Variants in PCDHGA5 observed in about 807,000 individuals in gnomAD.
PCDHGA5 encodes protocadherin gamma-A5.
A neutral mutation model predicts 56.7 loss-of-function variants in PCDHGA5; 36 were observed. The ratio of observed to expected loss-of-function variants is 0.64; its 90% confidence interval spans 0.49 to 0.84. PCDHGA5 has a LOEUF of 0.84. PCDHGA5 is among the 40% of genes least tolerant of loss of function. PCDHGA5 has a pLI of 0.00. For synonymous variants in PCDHGA5, 563 were observed against 520.2 expected, an observed-to-expected ratio of 1.08 and a Z score of -1.12; for missense variants, 1,305 against 1,201.5, an observed-to-expected ratio of 1.09 and a Z score of -1.27.
At chr5:141,418,877 G>T in intron 1 of PCDHGA5, 1 of 1,613,960 alleles carries the variant, frequency 6.2e-7, no homozygotes, top group Non-Finnish European at 8.5e-7. Context: ...AGTTGTAGAC[G>T]AAAACGACAA....
rs1000935525 is a variant in PCDHGA5 at position 141,512,962 on chromosome 5, G to A, written c.*1789G>A. The A allele has an allele frequency of 1.3e-5, 2 of 152,030 alleles. No individual in the cohort carries two copies. The highest frequency in any genetic ancestry group is 4.8e-5 in the African/African-American group (2 of 41,366). The allele number at this position is 152,030 out of a possible 1,614,324, so 9.4% of individuals were successfully genotyped here. ...TTCTTCGACAAAAAAATAATAAAACGTTTCTTCTGAAAAGCTGAACGTTTC... is the reference window on the plus strand; with the variant it reads ...TTCTTCGACAAAAAAATAATAAAACATTTCTTCTGAAAAGCTGAACGTTTC... On this transcript the variant is annotated 3_prime_UTR_variant, in exon 4 of 4. Transcript: ENST00000518069.
chr5:141,408,597 A>G (rs1389452276), intron 1 of PCDHGA5: 1 of 1,614,042 alleles, frequency 6.2e-7, no homozygotes, highest in Non-Finnish European at 8.5e-7. Context: ...CACGCCCCTC[A>G]ATTTGATAAA....
chr5:141,419,759 G>A (rs1179602962), intron 1 of PCDHGA5: 2 of 1,614,004 alleles, frequency 1.2e-6, no homozygotes, highest in Admixed American at 3.3e-5. Context: ...TGCTTTGGGT[G>A]ACAAGGACTC....
At chr5:141,410,078 G>A (rs1258292051) in intron 1 of PCDHGA5, 1 of 1,612,820 alleles carries the variant, frequency 6.2e-7, no homozygotes, top group Non-Finnish European at 8.5e-7. Flanking sequence ...CACTGGGGAG[G>A]TGCGCACGGC....
chr5:141,436,998 A>G (rs985067199), intron 1 of PCDHGA5, among the ~76,000 whole-genome samples: 23 of 152,242 alleles, frequency 1.5e-4, no homozygotes, highest in South Asian at 2.1e-4. Flanking sequence ...GTTTACTTCA[A>G]TGGGATCTTA....
chr5:141,421,374 C>T, intron 1 of PCDHGA5: 1 of 1,614,062 alleles, frequency 6.2e-7, no homozygotes, highest in Non-Finnish European at 8.5e-7. Flanking sequence ...TGGGCAATAT[C>T]TCCAAGGACC....
chr5:141,404,758 T>C, intron 1 of PCDHGA5: 1 of 1,613,742 alleles, frequency 6.2e-7, no homozygotes, highest in Non-Finnish European at 8.5e-7. Flanking sequence ...GCCAGAATGC[T>C]TGGCTCTCCT....
chr5:141,462,240 A>G (rs375419703), intron 1 of PCDHGA5, among the ~76,000 whole-genome samples: 2 of 152,216 alleles, frequency 1.3e-5, no homozygotes, highest in South Asian at 4.1e-4. Context: ...GATTACAGGT[A>G]TGAGCCACCA....
At chr5:141,418,171 G>A (rs2096234086) in intron 1 of PCDHGA5, 1 of 1,613,952 alleles carries the variant, frequency 6.2e-7, no homozygotes, top group African/African-American at 1.3e-5. Flanking sequence ...GATGTGAGTT[G>A]CAATTGGAAG....
At position 141,494,704 on chromosome 5, in the gene PCDHGA5, T is replaced by C. The variant is rs2099756232; in HGVS notation, c.2422-103T>C. Reference sequence around the variant, plus strand: ...CCCCCTCTTAGTCCGTTTTCTTCTCTGTGCCCACTCCCCTCCTTCTCTCCC... The same window carrying C: ...CCCCCTCTTAGTCCGTTTTCTTCTCCGTGCCCACTCCCCTCCTTCTCTCCC... On this transcript the variant is annotated intron_variant, in intron 1 of 3. Transcript: ENST00000518069. The C allele has an allele frequency of 3.1e-6, 5 of 1,597,570 alleles. No individual in the cohort carries two copies. The Admixed American group carries it at 8.5e-5, about 27-fold the overall frequency.
chr5:141,393,366 G>A (rs998330932), intron 1 of PCDHGA5: 1 of 1,613,874 alleles, frequency 6.2e-7, no homozygotes, highest in African/African-American at 1.3e-5. Context: ...CGTGCAGACT[G>A]GAGACAATGG....
intron 1 of PCDHGA5, among the ~76,000 whole-genome samples, chr5:141,468,130 G>C (rs1312004369): frequency 6.6e-6 from 1 of 151,878 alleles, no homozygotes; most frequent in Admixed American, 6.6e-5. Context: ...TTTGAGACCA[G>C]CCTGGCCAAC....
At chr5:141,383,188 G>T (rs762386846) in intron 1 of PCDHGA5, 26 of 1,614,064 alleles carry the variant, frequency 1.6e-5, no homozygotes, top group Non-Finnish European at 2.1e-5. Context: ...AGAGATCTGC[G>T]CTCAGAGTGC....
intron 1 of PCDHGA5, chr5:141,375,811 G>T: frequency 6.2e-7 from 1 of 1,614,224 alleles, no homozygotes; most frequent in South Asian, 1.1e-5. Context: ...CTGGCGTGGA[G>T]CTGGCGCCCC....
intron 3 of PCDHGA5, chr5:141,508,415 A>T (rs2099868684): frequency 6.6e-6 from 1 of 152,158 alleles, no homozygotes; most frequent in Non-Finnish European, 1.5e-5. Context: ...CCACGCAGAG[A>T]CTTGACCAAG....
Position 141,394,682 on chromosome 5 carries a change from G to A in PCDHGA5, c.2421+27931G>A, listed in dbSNP as rs546310598. 6.3e-5 allele frequency: 102 copies of A among 1,611,492 alleles called. No individual in the cohort carries two copies. The South Asian group carries it at 1.0e-3, about 16-fold the overall frequency. ...GACTCTTCTCGGTGGGTCTGCACAC[G>A]GGCGAGGTGCGCACGGCGCGAGCCC... On this transcript the variant is annotated intron_variant, in intron 1 of 3. Coordinates refer to ENST00000518069, the MANE Select transcript of PCDHGA5 (RefSeq NM_018918.3).
At chr5:141,484,989 T>C (rs1295192640) in intron 1 of PCDHGA5, 4 of 604,024 alleles carry the variant, frequency 6.6e-6, no homozygotes, top group Non-Finnish European at 1.2e-5. Context: ...AATCGGGTGG[T>C]GAAAGGCAGA....
At chr5:141,480,871 C>T (rs1262582761) in intron 1 of PCDHGA5, among the ~76,000 whole-genome samples, 1 of 151,930 alleles carries the variant, frequency 6.6e-6, no homozygotes, top group Non-Finnish European at 1.5e-5. Context: ...ATGGTGAAAC[C>T]CCGTCTCTAC....
At chr5:141,372,173 G>A (rs780828000) in intron 1 of PCDHGA5, 2 of 1,613,722 alleles carry the variant, frequency 1.2e-6, no homozygotes, top group Non-Finnish European at 1.7e-6. Context: ...AGGTGGTGGC[G>A]GTGGACGCAG....
Sources: allele counts gnomAD v4.1 joint callset (sites outside exome capture counted in the v4.1 genomes callset), GRCh38; gene constraint gnomAD v4.1.1; transcripts MANE v1.5; gene names NCBI Gene and HGNC (gene_info 2026-07-23, HGNC 2026-07-21).